Variants in KCNH1 observed in about 807,000 individuals in gnomAD.
KCNH1 encodes potassium voltage-gated channel subfamily H member 1, also known as voltage-gated delayed rectifier potassium channel KCNH1.
KCNH1 carries 27 observed loss-of-function variants against 69.2 expected under a neutral mutation model. That is an observed-to-expected ratio of 0.39 (90% confidence interval 0.29 to 0.54). The LOEUF is 0.54. Among genes scored for constraint, KCNH1 ranks in the 20% least tolerant of loss-of-function variants. The probability of loss-of-function intolerance (pLI) is 0.68; values close to 1 mark genes in which losing one functional copy is unlikely to be tolerated. For missense variants in KCNH1, 798 were observed against 1,261.6 expected (o/e 0.63, Z 5.57); for synonymous variants, 456 against 487.7 (o/e 0.93, Z 0.86).
At chr1:210,931,822 G>C (rs1687685394) in intron 6 of KCNH1, among the ~76,000 whole-genome samples, 1 of 148,562 alleles carries the variant, frequency 6.7e-6, no homozygotes, top group South Asian at 2.2e-4. Context: ...AAATCTTGGA[G>C]GTGAAGTCAG....
At chr1:211,032,748 T>C (rs1314897516) in intron 5 of KCNH1, among the ~76,000 whole-genome samples, 2 of 152,188 alleles carry the variant, frequency 1.3e-5, no homozygotes, top group Admixed American at 6.5e-5. Flanking sequence ...TTACACCTTA[T>C]ACGAACATTA....
At chr1:210,957,573 A>AC (rs1487796266) in intron 6 of KCNH1, among the ~76,000 whole-genome samples, 1 of 152,112 alleles carries the variant, frequency 6.6e-6, no homozygotes, top group Non-Finnish European at 1.5e-5. Context: ...GTCTCTAAGG[A>AC]CTTCCTTTAT....
At chr1:210,806,813 A>T (rs1463108512) in intron 7 of KCNH1, among the ~76,000 whole-genome samples, 423 of 7,540 alleles carry the variant, frequency 0.056, 57 homozygotes, top group African/African-American at 0.093. Flanking sequence ...CTACCAAAAA[A>T]AAAAAAAAAA....
At chr1:210,844,199 ACT>A (rs1685485484) in intron 7 of KCNH1, among the ~76,000 whole-genome samples, 2 of 152,146 alleles carry the variant, frequency 1.3e-5, no homozygotes, top group South Asian at 4.1e-4. Context: ...AGTTCCTAAC[ACT>A]CTGTCTGGCA....
chr1:210,984,034 A>G (rs1454085949), intron 6 of KCNH1, among the ~76,000 whole-genome samples: 2 of 152,148 alleles, frequency 1.3e-5, no homozygotes, highest in South Asian at 2.1e-4. Context: ...CTTTGCAGCA[A>G]TTGTGAATCG....
chr1:210,835,281 T>C (rs1685257991), intron 7 of KCNH1, among the ~76,000 whole-genome samples: 1 of 105,144 alleles, frequency 9.5e-6, no homozygotes, highest in Non-Finnish European at 2.0e-5. Context: ...CAGTCTCTTA[T>C]TTTGTGAGAC....
At chr1:210,978,037 T>C (rs1688645514) in intron 6 of KCNH1, among the ~76,000 whole-genome samples, 2 of 151,322 alleles carry the variant, frequency 1.3e-5, no homozygotes, top group South Asian at 4.2e-4. Context: ...TATACTCTCC[T>C]TTAATTTTTT....
chr1:210,977,308 T>G, intron 6 of KCNH1, among the ~76,000 whole-genome samples: 2 of 150,860 alleles, frequency 1.3e-5, no homozygotes, highest in Non-Finnish European at 1.5e-5. Context: ...GTGGGGGGAG[T>G]GGGGAGGGAT....
intron 10 of KCNH1, among the ~76,000 whole-genome samples, chr1:210,697,254 T>C (rs1681665132): frequency 6.6e-6 from 1 of 152,212 alleles, no homozygotes; most frequent in South Asian, 2.1e-4. Context: ...ACCTGAGGGC[T>C]AAGAGGGTCT....
intron 7 of KCNH1, among the ~76,000 whole-genome samples, chr1:210,820,642 A>C (rs1684911049): frequency 6.6e-6 from 1 of 152,174 alleles, no homozygotes; most frequent in Non-Finnish European, 1.5e-5. Flanking sequence ...TCAAAAAACA[A>C]AACAAAACAG....
chr1:211,001,039 A>C (rs1304321255), intron 6 of KCNH1, among the ~76,000 whole-genome samples: 1 of 152,208 alleles, frequency 6.6e-6, no homozygotes, highest in Non-Finnish European at 1.5e-5. Context: ...CTTATATGTT[A>C]GACCTAAAAC....
At chr1:210,955,543 G>A (rs1392416954) in intron 6 of KCNH1, among the ~76,000 whole-genome samples, 1 of 152,198 alleles carries the variant, frequency 6.6e-6, no homozygotes, top group Non-Finnish European at 1.5e-5. Flanking sequence ...AGCATGGAAT[G>A]TTCTTCCATT....
intron 10 of KCNH1, among the ~76,000 whole-genome samples, chr1:210,704,308 T>TAACA (rs780126566): frequency 3.9e-5 from 6 of 152,146 alleles, no homozygotes; most frequent in Non-Finnish European, 8.8e-5. Context: ...TCATTTCTAA[T>TAACA]AACAATCGCC....
chr1:210,714,531 A>G (rs1032990347), intron 10 of KCNH1, among the ~76,000 whole-genome samples: 1 of 152,162 alleles, frequency 6.6e-6, no homozygotes, highest in Admixed American at 6.5e-5. Context: ...GGTACGTGCA[A>G]TGAGCTTGTG....
chr1:211,124,818 C>A (rs928121848), intron 1 of KCNH1, among the ~76,000 whole-genome samples: 6 of 152,100 alleles, frequency 3.9e-5, no homozygotes, highest in Admixed American at 6.5e-5. Flanking sequence ...AGAAAAGAGT[C>A]CCGATTTATA....
Position 211,079,996 on chromosome 1 carries a change from G to C in KCNH1, c.558+2784C>G, listed in dbSNP as rs529178822. Among the ~76,000 whole-genome samples, 25 of 152,266 alleles carry C rather than the reference G, an allele frequency of 1.6e-4. 1 individual carries two copies. The highest frequency in any genetic ancestry group is 4.6e-4 in the African/African-American group (19 of 41,534). On this transcript the variant is annotated intron_variant, in intron 5 of 10. Transcript: ENST00000271751. ...AATCAGGCAAGAGAAAGAAATAAAA[G>C]GTATTTAATTAGGAAAAGAGGAAGT...
rs530689254 is a variant in KCNH1, at chr1:210,819,328, T to C, written c.1463-15162A>G. Among the ~76,000 whole-genome samples the C allele has an allele frequency of 1.4e-4, 22 of 152,228 alleles. 1 individual carries two copies. In the South Asian group the frequency reaches 4.1e-3, roughly 29 times the overall value. ...AAAGAGGAAGGATAAAGGAAAAATG[T>C]GTAGAGAAAAAGGTGATTTTAAGCC... On this transcript the variant is annotated intron_variant, in intron 7 of 10. Transcript: ENST00000271751.
At chr1:210,859,047 T>C (rs1298867606) in intron 7 of KCNH1, 1 of 612,064 alleles carries the variant, frequency 1.6e-6, no homozygotes, top group Non-Finnish European at 2.9e-6. Flanking sequence ...GTTGTTGTTG[T>C]GATTTTTTTT....
chr1:211,125,756 T>A (rs1429878662), intron 1 of KCNH1, among the ~76,000 whole-genome samples: 1 of 152,162 alleles, frequency 6.6e-6, no homozygotes, highest in Non-Finnish European at 1.5e-5. Context: ...TGCAGAACAT[T>A]TAAAAGGCTA....
Sources: gnomAD v4.1 joint callset for allele counts (sites outside exome capture counted in the v4.1 genomes callset) on GRCh38, gnomAD v4.1.1 for gene constraint, MANE v1.5 for transcripts, NCBI Gene and HGNC (gene_info 2026-07-23, HGNC 2026-07-21) for gene names.